Variants in ASB2 observed in about 807,000 individuals in gnomAD.
ASB2 encodes ankyrin repeat and SOCS box protein 2.
A neutral mutation model predicts 62.4 loss-of-function variants in ASB2; 58 were observed. The observed-to-expected ratio is 0.93, with a 90% confidence interval of 0.75 to 1.16. The LOEUF is 1.16. Ranked by LOEUF, ASB2 falls within the 50% of genes most tolerant of loss-of-function variation. ASB2 has a pLI of 0.00. For missense variants in ASB2, 928 were observed against 887.9 expected, an observed-to-expected ratio of 1.05 and a Z score of -0.57; for synonymous variants, 386 against 385.3, an observed-to-expected ratio of 1.00 and a Z score of -0.02.
chr14:93,939,867 C>CCT (rs1567019991), intron 7 of ASB2, 195 bp from the exon 8 acceptor site: 1 of 465,422 alleles, frequency 2.1e-6, no homozygotes, highest in African/African-American at 2.1e-5. Flanking sequence ...GGTCGGCTGC[C>CCT]GTCTCCGCTT....
intron 7 of ASB2, 45 bp downstream of exon 7, chr14:93,947,304 G>A (rs1426066866): frequency 6.2e-7 from 1 of 1,603,542 alleles, no homozygotes; most frequent in South Asian, 1.1e-5. Flanking sequence ...CTCCCAGTGT[G>A]GGCCTCGGGA....
rs190446803 is a variant in ASB2 at position 93,947,064 on chromosome 14, C to T, written c.1052+285G>A. On this transcript the variant is annotated intron_variant, in intron 7 of 9. Coordinates refer to ENST00000555019, the MANE Select transcript of ASB2 (RefSeq NM_001202429.2). Reference sequence around the variant, plus strand: ...AGATAATAATATCCACCTCAGTGAGCTGTTAAGCAGATTAAATAAGTTTCT... The same window carrying T: ...AGATAATAATATCCACCTCAGTGAGTTGTTAAGCAGATTAAATAAGTTTCT... Among the ~76,000 whole-genome samples, 929 of 152,360 alleles carry T rather than the reference C, an allele frequency of 6.1e-3. 2 individuals carry two copies. Among genetic ancestry groups the T allele is most frequent in the South Asian group, 8.3e-3 (40 of 4,828 alleles).
chr14:93,968,117 C>T (rs1448580090), intron 1 of ASB2: 1 of 152,148 alleles, frequency 6.6e-6, no homozygotes, highest in Non-Finnish European at 1.5e-5. Flanking sequence ...CTGCAGTGGC[C>T]CTTCCCTGAC....
intron 2 of ASB2, 169 bp from the exon 3 acceptor site, chr14:93,957,039 A>G (rs564674889): frequency 8.2e-5 from 123 of 1,498,530 alleles, no homozygotes; most frequent in Non-Finnish European, 2.4e-5. Flanking sequence ...TGCTGGACAC[A>G]GCTGCTGTGT....
Position 93,964,556 on chromosome 14 carries a change from C to T in ASB2, c.-17G>A, listed in dbSNP as rs952521934. The T allele has an allele frequency of 2.6e-6, 4 of 1,535,800 alleles. No individual in the cohort carries two copies. Among genetic ancestry groups the T allele is most frequent in the Admixed American group, 3.9e-5 (2 of 51,008 alleles). On this transcript the variant is annotated 5_prime_UTR_variant, in exon 2 of 10. In the 5' UTR this introduces an upstream ATG that the reference lacks. Transcript: ENST00000555019. ...CGTGGCCATCCTCCTCCACCTCTCA[C>T]CCTGGCCTCCAGAACAGACACCCAG...
intron 3 of ASB2, among the ~76,000 whole-genome samples, chr14:93,955,843 T>C (rs1229273015): frequency 6.6e-6 from 1 of 152,010 alleles, no homozygotes; most frequent in African/African-American, 2.4e-5. Flanking sequence ...CACGTTGCCC[T>C]CTCCAGCCGT....
At chr14:93,957,727 G>A (rs974335801) in intron 2 of ASB2, among the ~76,000 whole-genome samples, 9 of 152,120 alleles carry the variant, frequency 5.9e-5, no homozygotes, top group South Asian at 2.1e-4. Flanking sequence ...CAGTTTTCCC[G>A]ACCCACCAGG....
At chr14:93,960,658 G>C (rs1427424287) in intron 2 of ASB2, among the ~76,000 whole-genome samples, 1 of 152,122 alleles carries the variant, frequency 6.6e-6, no homozygotes, top group Non-Finnish European at 1.5e-5. Flanking sequence ...GGGTCCCTTA[G>C]GGGACCAAAG....
At chr14:93,947,236 G>T in intron 7 of ASB2, 113 bp downstream of exon 7, 1 of 1,180,924 alleles carries the variant, frequency 8.5e-7, no homozygotes, top group Non-Finnish European at 1.2e-6. Context: ...ACCTCTCCTG[G>T]GCCTCCCTAA....
intron 7 of ASB2, among the ~76,000 whole-genome samples, chr14:93,945,567 A>T (rs536360956): frequency 1.3e-5 from 2 of 152,288 alleles, no homozygotes; most frequent in Admixed American, 1.3e-4. Flanking sequence ...AATGAGGAAA[A>T]TGAGGCTCAG....
At chr14:93,971,241 C>T (rs1182160529) in intron 1 of ASB2, among the ~76,000 whole-genome samples, 1 of 152,160 alleles carries the variant, frequency 6.6e-6, no homozygotes, top group Non-Finnish European at 1.5e-5. Flanking sequence ...CCGGGTGGTC[C>T]CAAGGGTCAA....
At chr14:93,971,783 A>G (rs915908317) in intron 1 of ASB2, among the ~76,000 whole-genome samples, 7 of 152,218 alleles carry the variant, frequency 4.6e-5, no homozygotes, top group African/African-American at 1.7e-4. Flanking sequence ...AAAAAGTGAC[A>G]AGGAAGAGAC....
Position 93,954,315 on chromosome 14 carries a change from A to G in ASB2, c.478+2T>C, listed in dbSNP as rs1251879912. The G allele has an allele frequency of 1.9e-6, 3 of 1,612,076 alleles. No homozygotes were observed. The highest frequency in any genetic ancestry group is 1.7e-6 in the Non-Finnish European group (2 of 1,179,396). ...TTGCCACCGTCAGAGCCCAGCCCTC[A>G]CCTCGCTGCAGGACTTTCAGGCAGC... On this transcript the variant is annotated splice_donor_variant, in intron 4 of 9. Coordinates refer to ENST00000555019, the MANE Select transcript of ASB2 (RefSeq NM_001202429.2). LOFTEE classifies it high-confidence loss of function.
chr14:93,966,198 C>T (rs1253241376), intron 1 of ASB2, among the ~76,000 whole-genome samples: 2 of 152,206 alleles, frequency 1.3e-5, no homozygotes, highest in Admixed American at 1.3e-4. Flanking sequence ...GCGGATAGTC[C>T]CCTCAATGGC....
At chr14:93,952,989 C>T (rs531991790) in intron 5 of ASB2, among the ~76,000 whole-genome samples, 2 of 152,296 alleles carry the variant, frequency 1.3e-5, no homozygotes, top group South Asian at 4.2e-4. Context: ...GGTGATTCCT[C>T]CTCTGTGGTT....
intron 7 of ASB2, among the ~76,000 whole-genome samples, chr14:93,945,355 G>T (rs1234660665): frequency 6.6e-6 from 1 of 152,176 alleles, no homozygotes; most frequent in Non-Finnish European, 1.5e-5. Flanking sequence ...CATGCCCACT[G>T]CCTGGCTTGA....
At chr14:93,964,031 A>G (rs188814109) in intron 2 of ASB2, among the ~76,000 whole-genome samples, 4 of 152,276 alleles carry the variant, frequency 2.6e-5, no homozygotes, top group Admixed American at 2.6e-4. Flanking sequence ...TCTACTGGCT[A>G]TGTGACCTCG....
chr14:93,972,797 A>T (rs1490574961), intron 1 of ASB2, among the ~76,000 whole-genome samples: 2 of 152,204 alleles, frequency 1.3e-5, no homozygotes, highest in East Asian at 3.9e-4. Context: ...GCCTTTGGCC[A>T]TGGGGGCAGT....
rs565212307 is a variant in ASB2 at position 93,951,672 on chromosome 14, C to G, written c.635-428G>C. Reference sequence around the variant, plus strand: ...ACCCTGGTAGTCAGGCTGAAGGTCTCTGTCCCCTGGGATGTCCCAGGATGT... The same window carrying G: ...ACCCTGGTAGTCAGGCTGAAGGTCTGTGTCCCCTGGGATGTCCCAGGATGT... On this transcript the variant is annotated intron_variant, in intron 5 of 9. Coordinates refer to ENST00000555019, the MANE Select transcript of ASB2 (RefSeq NM_001202429.2). Among the ~76,000 whole-genome samples the G allele has an allele frequency of 5.9e-5, 9 of 152,360 alleles. No homozygotes were observed. The East Asian group carries it at 1.7e-3, about 29-fold the overall frequency.
Sources: allele counts gnomAD v4.1 joint callset (sites outside exome capture counted in the v4.1 genomes callset), GRCh38; gene constraint gnomAD v4.1.1; transcripts MANE v1.5; gene names NCBI Gene and HGNC (gene_info 2026-07-23, HGNC 2026-07-21).